TRIO: variants seen among roughly 807,000 people sequenced by gnomAD.
The protein encoded by TRIO is trio Rho guanine nucleotide exchange factor, also known as triple functional domain protein.
In TRIO, 58 loss-of-function variants were observed where a neutral mutation model predicts 351.9. The ratio of observed to expected loss-of-function variants is 0.16; its 90% CI spans 0.13 to 0.21. The LOEUF (loss-of-function observed/expected upper bound fraction) is 0.21. Among genes scored for constraint, TRIO ranks in the 10% least tolerant of loss-of-function variants. TRIO has a pLI of 1.00. For missense variants in TRIO, 3,201 were observed against 4,027.8 expected (o/e 0.79, Z 5.56); for synonymous variants, 1,758 against 1,595.7 (o/e 1.10, Z -2.42).
intron 1 of TRIO, among the ~76,000 whole-genome samples, chr5:14,255,457 A>G (rs1794974332): frequency 6.6e-6 from 1 of 152,220 alleles, no homozygotes; most frequent in African/African-American, 2.4e-5. Flanking sequence ...CAACAGTGAA[A>G]TTGTATTAAA....
intron 45 of TRIO, 46 bp downstream of exon 45, chr5:14,481,664 C>A: frequency 6.3e-7 from 1 of 1,594,098 alleles, no homozygotes; most frequent in Non-Finnish European, 8.6e-7. Flanking sequence ...GCCTTCATCT[C>A]TTTCTTTTGT....
chr5:14,272,966 A>G (rs1001785285), intron 2 of TRIO, among the ~76,000 whole-genome samples: 12 of 152,218 alleles, frequency 7.9e-5, no homozygotes, highest in Non-Finnish European at 1.3e-4. Flanking sequence ...TCTAATTCAC[A>G]TACTCTAAAA....
chr5:14,435,060 G>A (rs543056837), intron 34 of TRIO, among the ~76,000 whole-genome samples: 2 of 152,360 alleles, frequency 1.3e-5, no homozygotes, highest in South Asian at 4.1e-4. Flanking sequence ...CCCTGTCGGT[G>A]TGTGGACCTT....
At chr5:14,190,556 T>C (rs1179377780) in intron 1 of TRIO, among the ~76,000 whole-genome samples, 1 of 152,168 alleles carries the variant, frequency 6.6e-6, no homozygotes, top group African/African-American at 2.4e-5. Flanking sequence ...TTTGGTGCCG[T>C]GGAAGCGTCA....
intron 1 of TRIO, among the ~76,000 whole-genome samples, chr5:14,166,629 G>GT (rs1253877461): frequency 1.3e-5 from 2 of 152,162 alleles, no homozygotes; most frequent in Non-Finnish European, 2.9e-5. Flanking sequence ...TCAGTGCTTA[G>GT]TAAGTGTTCA....
intron 34 of TRIO, among the ~76,000 whole-genome samples, chr5:14,457,316 A>G (rs1342058150): frequency 7.0e-6 from 1 of 142,592 alleles, no homozygotes; most frequent in Non-Finnish European, 1.5e-5. Context: ...GTTGTCACCC[A>G]GTCCTTTGCA....
At chr5:14,427,932 C>T (rs1554076725) in intron 34 of TRIO, among the ~76,000 whole-genome samples, 1 of 152,172 alleles carries the variant, frequency 6.6e-6, no homozygotes, top group Non-Finnish European at 1.5e-5. Flanking sequence ...CCAAAAACTC[C>T]AGCTTTGCAG....
At chr5:14,489,239 G>T in intron 48 of TRIO, 2 of 520,010 alleles carry the variant, frequency 3.8e-6, no homozygotes, top group African/African-American at 1.9e-5. Flanking sequence ...GTTTGACTTG[G>T]TCTTATCCTT....
chr5:14,369,628 G>C (rs753072037), intron 18 of TRIO, 105 bp downstream of exon 18: 109 of 1,385,800 alleles, frequency 7.9e-5, no homozygotes, highest in Non-Finnish European at 9.2e-5. Context: ...CACACCTCTT[G>C]CCTGCTGTGG....
intron 1 of TRIO, among the ~76,000 whole-genome samples, chr5:14,220,479 A>G (rs1792547503): frequency 6.6e-6 from 1 of 152,246 alleles, no homozygotes; most frequent in Non-Finnish European, 1.5e-5. Context: ...ATGTTAAATC[A>G]AAAGCTAGAA....
In TRIO at chr5:14,364,764, A is replaced by C. The variant is rs1189367979; in HGVS notation, c.2702A>C (p.Lys901Thr). 1 of 1,612,460 alleles carries C rather than the reference A, an allele frequency of 6.2e-7. No individual in the cohort carries two copies. Among genetic ancestry groups the C allele is most frequent in the Non-Finnish European group, 8.5e-7 (1 of 1,180,012 alleles). ...ELDLAAEQHR[K>T]HLEQCVQLRH... ...GATTTAGCCGCAGAGCAGCATCGGA[A>C]ACACCTGGAGCAGTGCGTGCAGCTG... The change falls in exon 15 of 57, where the codon AAA becomes ACA. Residue 901 changes from lysine to threonine, a missense_variant. By Grantham distance (78) the Lys-to-Thr change is moderately conservative (BLOSUM62 -1). This residue lies in a region of TRIO where 363 missense variants were observed against 553.5 expected (regional missense o/e 0.66). Coordinates refer to ENST00000344204, the MANE Select transcript of TRIO (RefSeq NM_007118.4).
At chr5:14,366,792 C>T (rs1388798002) in intron 15 of TRIO, 68 bp from the exon 16 acceptor site, 15 of 1,603,988 alleles carry the variant, frequency 9.4e-6, no homozygotes, top group South Asian at 1.1e-5. Flanking sequence ...GCTTGTATCT[C>T]ACCCCTGGTG....
At chr5:14,349,112 G>T (rs1367514908) in intron 11 of TRIO, among the ~76,000 whole-genome samples, 1 of 151,222 alleles carries the variant, frequency 6.6e-6, no homozygotes, top group African/African-American at 2.4e-5. Flanking sequence ...GTGTATATGT[G>T]TGTGCATGCA....
At chr5:14,153,651 GCTT>G (rs1472011678) in intron 1 of TRIO, among the ~76,000 whole-genome samples, 1 of 152,108 alleles carries the variant, frequency 6.6e-6, no homozygotes, top group African/African-American at 2.4e-5. Context: ...GAGGATGTCT[GCTT>G]CTGGTAGGGC....
At chr5:14,364,199 A>G (rs1336010382) in intron 14 of TRIO, among the ~76,000 whole-genome samples, 1 of 152,218 alleles carries the variant, frequency 6.6e-6, no homozygotes, top group African/African-American at 2.4e-5. Context: ...TAAATGAACT[A>G]TAAATCCCAG....
At chr5:14,246,602 C>G (rs1242651613) in intron 1 of TRIO, among the ~76,000 whole-genome samples, 1 of 152,198 alleles carries the variant, frequency 6.6e-6, no homozygotes, top group South Asian at 2.1e-4. Context: ...CCTCTTCTTC[C>G]CAGCTGAGGC....
chr5:14,300,490 C>T (rs1269863643), intron 7 of TRIO, among the ~76,000 whole-genome samples: 2 of 152,224 alleles, frequency 1.3e-5, no homozygotes, highest in African/African-American at 4.8e-5. Flanking sequence ...TCTATCCACT[C>T]GGGTAGTGCT....
At position 14,143,782 on chromosome 5, in the gene TRIO, G is replaced by T; in HGVS notation, c.57G>T (p.Ala19=). The T allele has an allele frequency of 2.9e-6, 3 of 1,023,710 alleles. No homozygotes were observed. Among genetic ancestry groups the T allele is most frequent in the Non-Finnish European group, 3.5e-6 (3 of 856,912 alleles). 63.4% of individuals were successfully genotyped at this position (1,023,710 alleles called of 1,614,324 possible). The change falls in exon 1 of 57, where the codon GCG becomes GCT. Residue 19 remains alanine (A), a synonymous_variant. Coordinates refer to ENST00000344204, the MANE Select transcript of TRIO (RefSeq NM_007118.4). The part of the protein sequence containing the change: ...AAPAASSGPA[A]AASAAGSGCG... ...CCGCCGCGTCCTCCGGCCCCGCCGC[G>T]GCGGCCAGCGCGGCTGGCTCGGGCT...
chr5:14,223,235 A>T (rs949726836), intron 1 of TRIO, among the ~76,000 whole-genome samples: 1 of 152,178 alleles, frequency 6.6e-6, no homozygotes, highest in African/African-American at 2.4e-5. Context: ...TTGGAAAAAT[A>T]GTATTTCCTG....
Sources: allele counts gnomAD v4.1 joint callset (sites outside exome capture counted in the v4.1 genomes callset), GRCh38; gene constraint gnomAD v4.1.1; regional missense constraint gnomAD v4.1.1; transcripts MANE v1.5; gene names NCBI Gene and HGNC (gene_info 2026-07-23, HGNC 2026-07-21).